The following RESF1 variants were observed in gnomAD, a reference collection of about 807,000 sequenced individuals.
RESF1 encodes the protein gonad expressed transcript.
RESF1 carries 65 observed loss-of-function variants against 134.7 expected under a neutral mutation model. The ratio of observed to expected loss-of-function variants is 0.48; its 90% CI spans 0.40 to 0.59. RESF1 has a LOEUF of 0.59. Among genes scored for constraint, RESF1 ranks in the 20% least tolerant of loss-of-function variants. The pLI is 0.00. For missense variants in RESF1, 2,274 were observed against 2,002.7 expected (o/e 1.14, Z -2.59); for synonymous variants, 762 against 702.2 (o/e 1.09, Z -1.35).
rs754382402 is a variant in RESF1, at chr12:31,985,223, A to C, written c.4268A>C (p.Lys1423Thr). 3.1e-6 allele frequency: 5 copies of C among 1,589,344 alleles called. No individual in the cohort carries two copies. Among genetic ancestry groups the C allele is most frequent in the Non-Finnish European group, 4.3e-6 (5 of 1,173,666 alleles). ...NPNERAIVKE[K>T]MVSNTKSVDT... is the part of the protein sequence containing the mutation. The stretch of plus-strand genomic sequence containing the variant: ...AACGAAAGAGCCATTGTTAAAGAAA[A>C]GATGGTATCAAATACTAAGTCTGTA... Residue 1423 changes from lysine (K) to threonine (T), a missense_variant, in exon 4 of 6, where the codon AAG becomes ACG. By Grantham distance (78) the Lys-to-Thr change is moderately conservative. Transcript: ENST00000312561.
intron 2 of RESF1, among the ~76,000 whole-genome samples, chr12:31,967,655 GGGGGGATTTTT>G (rs1939427889): frequency 9.3e-6 from 1 of 107,420 alleles, no homozygotes; most frequent in Non-Finnish European, 1.9e-5. Flanking sequence ...TGCCTCCGCA[GGGGGGATTTTT>G]GTTTTTTTTG....
At chr12:31,965,997 A>G (rs1025829254) in intron 2 of RESF1, among the ~76,000 whole-genome samples, 9 of 151,996 alleles carry the variant, frequency 5.9e-5, no homozygotes, top group Non-Finnish European at 1.2e-4. Context: ...TGTGTCATGT[A>G]TACTTGGGGG....
chr12:31,991,538 G>A (rs1467663641), intron 5 of RESF1, among the ~76,000 whole-genome samples: 1 of 152,148 alleles, frequency 6.6e-6, no homozygotes, highest in Non-Finnish European at 1.5e-5. Flanking sequence ...TTTGACTTAG[G>A]ATTTCTTGAC....
In RESF1 at chr12:31,985,411, G is replaced by A. The variant is rs140821194; in HGVS notation, c.4456G>A (p.Val1486Met). The change falls in exon 4 of 6, where the codon GTG (valine) becomes ATG (methionine). Residue 1486 changes from valine (V) to methionine (M), a missense_variant. Coordinates refer to ENST00000312561, the MANE Select transcript of RESF1 (RefSeq NM_018169.4). ...SEHMRPSKLA[V>M]QVESCGKSNE... Reference sequence around the variant, plus strand: ...ACATATGAGACCAAGTAAACTTGCCGTGCAGGTTGAAAGTTGTGGGAAATC... The same window carrying A: ...ACATATGAGACCAAGTAAACTTGCCATGCAGGTTGAAAGTTGTGGGAAATC... 6.3e-4 allele frequency: 1,010 copies of A among 1,605,652 alleles called. 1 individual carries two copies. Among genetic ancestry groups the A allele is most frequent in the African/African-American group, 6.7e-4 (50 of 74,412 alleles).
chr12:31,977,801 C>CTTT lies in RESF1; in HGVS notation c.-78-3058_-78-3056dup, dbSNP rs3075963. On this transcript the variant is annotated intron_variant, in intron 3 of 5. Coordinates refer to ENST00000312561, the MANE Select transcript of RESF1 (RefSeq NM_018169.4). Reference sequence around the variant, plus strand: ...ACTCTTAATTACTTTTTCTTTCTTTCTTTTTTTTTTTTTTTTTTTTTGAGA... The same window carrying CTTT: ...ACTCTTAATTACTTTTTCTTTCTTTCTTTTTTTTTTTTTTTTTTTTTTTTGAGA... Among the ~76,000 whole-genome samples, 872 of 124,272 alleles carry CTTT rather than the reference C, an allele frequency of 7.0e-3. 12 individuals are homozygous for CTTT. The highest frequency in any genetic ancestry group is 0.027 in the South Asian group (99 of 3,608). 81.5% of individuals were successfully genotyped at this position (124,272 alleles called of 152,430 possible).
intron 3 of RESF1, among the ~76,000 whole-genome samples, chr12:31,976,656 C>G (rs1446893201): frequency 2.0e-5 from 3 of 152,002 alleles, no homozygotes; most frequent in Non-Finnish European, 1.5e-5. Flanking sequence ...GCACTCCAGT[C>G]TGGGTGACAG....
In RESF1 at chr12:31,981,621, A is replaced by G. The variant is rs1173630428; in HGVS notation, c.666A>G (p.Pro222=). The G allele has an allele frequency of 6.2e-7, 1 of 1,614,036 alleles. No individual in the cohort carries two copies. The highest frequency in any genetic ancestry group is 8.5e-7 in the Non-Finnish European group (1 of 1,180,018). Residue 222 remains proline, a synonymous_variant, in exon 4 of 6, where the codon CCA becomes CCG. Transcript: ENST00000312561. The part of the protein sequence containing the change: ...RPPPKLYRYS[P]QSFLPDSTIQ... Reference sequence around the variant, plus strand: ...CTCCAAAGCTATACCGTTACTCACCACAAAGCTTTTTACCAGATTCTACCA... The same window carrying G: ...CTCCAAAGCTATACCGTTACTCACCGCAAAGCTTTTTACCAGATTCTACCA...
intron 5 of RESF1, among the ~76,000 whole-genome samples, chr12:31,987,990 C>T (rs1044286483): frequency 2.0e-5 from 3 of 152,172 alleles, no homozygotes; most frequent in African/African-American, 4.8e-5. Context: ...CTGCCTCGGC[C>T]TCCCAAAGTG....
rs759349589 is a variant in RESF1 at position 31,983,092 on chromosome 12, G to T, written c.2137G>T (p.Val713Phe). 1.9e-6 allele frequency: 3 copies of T among 1,613,044 alleles called. No individual in the cohort carries two copies. Among genetic ancestry groups the T allele is most frequent in the Non-Finnish European group, 2.5e-6 (3 of 1,179,794 alleles). The change falls in exon 4 of 6, where the codon GTT (valine) becomes TTT (phenylalanine). Residue 713 changes from valine (V) to phenylalanine (F), a missense_variant. Physicochemically the swap from Val to Phe is conservative, Grantham distance 50. Transcript: ENST00000312561. ...AATTTCAAAGCCTGCTAACATCCAC[G>T]TTAAGAGTCCTTGTTCAGTTGTGGG... ...VGISKPANIHVKSPCSVVGNS... is the reference protein window; with the variant it reads ...VGISKPANIHFKSPCSVVGNS...
chr12:31,980,783 A>G, intron 3 of RESF1, 95 bp from the exon 4 acceptor site: 1 of 545,120 alleles, frequency 1.8e-6, no homozygotes, highest in South Asian at 2.9e-5. Context: ...TGCTCTGAAG[A>G]TTCAGTAATT....
Position 31,984,066 on chromosome 12 carries a change from A to G in RESF1, c.3111A>G (p.Ala1037=). 1 of 1,614,158 alleles carries G rather than the reference A, an allele frequency of 6.2e-7. No individual in the cohort carries two copies. The highest frequency in any genetic ancestry group is 8.5e-7 in the Non-Finnish European group (1 of 1,180,004). Residue 1037 remains alanine (A), a synonymous_variant, in exon 4 of 6, where the codon GCA becomes GCG. Coordinates refer to ENST00000312561, the MANE Select transcript of RESF1 (RefSeq NM_018169.4). The part of the protein sequence containing the change: ...ASSNYTPQDP[A]RNEIHSDKAP... ...GCAACTATACTCCCCAAGATCCTGC[A>G]AGAAATGAAATCCACAGTGATAAGG...
rs1242566854 is a variant in RESF1 at position 31,992,375 on chromosome 12, T to C, written c.5087-3T>C. The C allele has an allele frequency of 1.9e-6, 3 of 1,604,364 alleles. No individual in the cohort carries two copies. Among genetic ancestry groups the C allele is most frequent in the Admixed American group, 1.7e-5 (1 of 57,686 alleles). ...AAGTAAGTAAAGTTTTTATTTCCCT[T>C]AGATAATGTTAATTCAAGACTCTCG... is the stretch of plus-strand genomic sequence containing the variant. On this transcript the variant is annotated splice_region_variant and splice_polypyrimidine_tract_variant and intron_variant, in intron 5 of 5. Transcript: ENST00000312561.
Position 31,979,451 on chromosome 12 carries a change from T to C in RESF1, c.-78-1427T>C, listed in dbSNP as rs116117248. On this transcript the variant is annotated intron_variant, in intron 3 of 5. Transcript: ENST00000312561. ...AACTGGCTATAAAGCAAACAAGGTA[T>C]GCTTTCTCTGAGGTCACTACCTTCC... Among the ~76,000 whole-genome samples, 389 of 152,304 alleles carry C rather than the reference T, an allele frequency of 2.6e-3. 5 individuals are homozygous for C. Among genetic ancestry groups the C allele is most frequent in the African/African-American group, 9.2e-3 (382 of 41,560 alleles).
Position 31,984,632 on chromosome 12 carries a change from T to C in RESF1, c.3677T>C (p.Val1226Ala), listed in dbSNP as rs1005378196. Residue 1226 changes from valine to alanine, a missense_variant, in exon 4 of 6, where the codon GTC becomes GCC. By Grantham distance (64) the Val-to-Ala change is moderately conservative. Coordinates refer to ENST00000312561, the MANE Select transcript of RESF1 (RefSeq NM_018169.4). The stretch of plus-strand genomic sequence containing the variant: ...GGAGAGAGAACTTCTGATAGAGATG[T>C]CACTGTTGTTCAATTTAAGAGCCTT... ...KQGERTSDRD[V>A]TVVQFKSLVN... 2 of 1,574,092 alleles carry C rather than the reference T, an allele frequency of 1.3e-6. No individual in the cohort carries two copies. The highest frequency in any genetic ancestry group is 1.2e-5 in the South Asian group (1 of 83,760).
At chr12:31,972,682 A>G (rs912269862) in intron 3 of RESF1, among the ~76,000 whole-genome samples, 3 of 151,618 alleles carry the variant, frequency 2.0e-5, no homozygotes, top group East Asian at 3.9e-4. Flanking sequence ...CACTATCTTC[A>G]TATAGATAGT....
rs143373703 is a variant in RESF1 at position 31,965,242 on chromosome 12, C to T, written c.-247+4371C>T. On this transcript the variant is annotated intron_variant, in intron 2 of 5. Transcript: ENST00000312561. Reference sequence around the variant, plus strand: ...AAAGTGCTGGAATTACAGGCGTGAGCCACTGCTCCCTGCCGGCTACTCCCT... The same window carrying T: ...AAAGTGCTGGAATTACAGGCGTGAGTCACTGCTCCCTGCCGGCTACTCCCT... 6.4e-3 allele frequency among the ~76,000 whole-genome samples: 969 copies of T among 152,270 alleles called. 6 individuals carry two copies. Among genetic ancestry groups the T allele is most frequent in the South Asian group, 0.019 (93 of 4,820 alleles).
intron 3 of RESF1, among the ~76,000 whole-genome samples, chr12:31,975,354 G>C (rs1939609162): frequency 6.6e-6 from 1 of 152,020 alleles, no homozygotes; most frequent in Non-Finnish European, 1.5e-5. Context: ...AAACTCTAAG[G>C]TTCCACTATT....
In RESF1 at chr12:31,981,252, T is replaced by C; in HGVS notation, c.297T>C (p.Asn99=). The part of the protein sequence containing the change: ...SVERITYANV[N]GPKQLTHNLQ... ...AAAGAATAACATATGCAAATGTTAATGGACCCAAACAACTAACTCACAATT... is the reference window on the plus strand; with the variant it reads ...AAAGAATAACATATGCAAATGTTAACGGACCCAAACAACTAACTCACAATT... Residue 99 remains asparagine, a synonymous_variant, in exon 4 of 6, where the codon AAT becomes AAC. Coordinates refer to ENST00000312561, the MANE Select transcript of RESF1 (RefSeq NM_018169.4). 1 of 1,614,228 alleles carries C rather than the reference T, an allele frequency of 6.2e-7. No individual in the cohort carries two copies. The highest frequency in any genetic ancestry group is 8.5e-7 in the Non-Finnish European group (1 of 1,180,046).
At chr12:31,987,892 G>A (rs1042520637) in intron 5 of RESF1, among the ~76,000 whole-genome samples, 2 of 151,878 alleles carry the variant, frequency 1.3e-5, no homozygotes, top group Non-Finnish European at 2.9e-5. Context: ...ATACCACCAC[G>A]CCCAGCTAAT....
Sources: gnomAD v4.1 joint callset for allele counts (sites outside exome capture counted in the v4.1 genomes callset) on GRCh38, gnomAD v4.1.1 for gene constraint, MANE v1.5 for transcripts, NCBI Gene and HGNC (gene_info 2026-07-23, HGNC 2026-07-21) for gene names.